Variants in NXPE2 observed in about 807,000 individuals in gnomAD.
NXPE2 encodes the protein NXPE family member 2.
NXPE2 carries 34 observed loss-of-function variants against 34.4 expected under a neutral mutation model. The ratio of observed to expected loss-of-function variants is 0.99; its 90% CI spans 0.75 to 1.31. The LOEUF (loss-of-function observed/expected upper bound fraction) is 1.31. Among genes scored for constraint, NXPE2 ranks in the 40% most tolerant of loss-of-function variants. The pLI is 0.00. For missense variants in NXPE2, 649 were observed against 672.5 expected (o/e 0.97, Z 0.39); for synonymous variants, 235 against 231.3 (o/e 1.02, Z -0.15).
chr11:114,648,603 C>T, the NXPE2 span, among the ~76,000 whole-genome samples: 2 of 152,174 alleles, frequency 1.3e-5, no homozygotes, highest in Admixed American at 1.3e-4. Flanking sequence ...CAAGTTGATA[C>T]ATAAAATTAA....
intron 2 of NXPE2, 135 bp from the exon 3 acceptor site, chr11:114,697,910 G>A: frequency 1.1e-6 from 1 of 878,404 alleles, no homozygotes; most frequent in Admixed American, 3.4e-5. Context: ...TTCCATAACT[G>A]AAAACCAGTT....
the NXPE2 span, among the ~76,000 whole-genome samples, chr11:114,639,545 A>G: frequency 3.3e-5 from 5 of 151,194 alleles, no homozygotes; most frequent in South Asian, 6.2e-4. Context: ...TGCAGAAATT[A>G]GCTGTCTTCT....
At chr11:114,523,854 T>C in the NXPE2 span, among the ~76,000 whole-genome samples, 3 of 152,242 alleles carry the variant, frequency 2.0e-5, no homozygotes, top group South Asian at 6.2e-4. Flanking sequence ...ATTTGTTATA[T>C]CAGGACTTCT....
chr11:114,709,364 GGTAA>G (rs1328526778), downstream of NXPE2, among the ~76,000 whole-genome samples: 2 of 151,930 alleles, frequency 1.3e-5, no homozygotes, highest in African/African-American at 4.8e-5. Flanking sequence ...ACCAAATGTT[GGTAA>G]GTGTCAAGTC....
At chr11:114,478,375 G>C in the NXPE2 span, among the ~76,000 whole-genome samples, 1 of 152,046 alleles carries the variant, frequency 6.6e-6, no homozygotes, top group Non-Finnish European at 1.5e-5. Flanking sequence ...CTGGCAAGAA[G>C]GTTTGTTTAG....
the NXPE2 span, among the ~76,000 whole-genome samples, chr11:114,471,086 G>A: frequency 9.2e-5 from 14 of 152,256 alleles, no homozygotes; most frequent in South Asian, 2.1e-4. Flanking sequence ...AGCCTGGGTT[G>A]TATTTTCATT....
intron 2 of NXPE2, among the ~76,000 whole-genome samples, chr11:114,687,935 G>A (rs543549327): frequency 6.6e-6 from 1 of 152,088 alleles, no homozygotes; most frequent in South Asian, 2.1e-4. Context: ...TTGTACGTAA[G>A]TTTTGTATCC....
chr11:114,733,911 CAT>C, the NXPE2 span, among the ~76,000 whole-genome samples: 1 of 152,142 alleles, frequency 6.6e-6, no homozygotes, highest in Non-Finnish European at 1.5e-5. Context: ...TATTTTCTTT[CAT>C]GGACTCCTTC....
chr11:114,479,950 A>G, the NXPE2 span, among the ~76,000 whole-genome samples: 2 of 152,160 alleles, frequency 1.3e-5, no homozygotes, highest in Non-Finnish European at 2.9e-5. Context: ...GATGTGTCAC[A>G]TGGAGAGAGA....
chr11:114,622,099 C>T, the NXPE2 span, among the ~76,000 whole-genome samples: 2 of 151,776 alleles, frequency 1.3e-5, no homozygotes, highest in East Asian at 1.9e-4. Context: ...AGTACTGCCT[C>T]ATCAGTAACC....
the NXPE2 span, among the ~76,000 whole-genome samples, chr11:114,785,267 A>G: frequency 6.6e-6 from 1 of 151,868 alleles, no homozygotes; most frequent in Non-Finnish European, 1.5e-5. Context: ...TTCCAGTCCA[A>G]CCCCCTCATT....
the NXPE2 span, among the ~76,000 whole-genome samples, chr11:114,567,582 A>G: frequency 6.6e-6 from 1 of 151,972 alleles, no homozygotes; most frequent in African/African-American, 2.4e-5. Flanking sequence ...CTCATTTATC[A>G]GAGTTTAGTA....
the NXPE2 span, chr11:114,553,839 A>G: frequency 9.4e-6 from 9 of 958,492 alleles, no homozygotes; most frequent in Non-Finnish European, 1.1e-5. Context: ...CTGCTCATTC[A>G]GTGACATCAT....
intron 2 of NXPE2, among the ~76,000 whole-genome samples, chr11:114,694,934 C>T (rs1478980909): frequency 6.8e-6 from 1 of 147,804 alleles, no homozygotes. Context: ...TCTACTATAA[C>T]TAAGTTTTGT....
At chr11:114,638,691 C>A in the NXPE2 span, among the ~76,000 whole-genome samples, 1 of 152,024 alleles carries the variant, frequency 6.6e-6, no homozygotes, top group South Asian at 2.1e-4. Context: ...CAGACAGGAC[C>A]GTCAGCTGCA....
At chr11:114,676,245 T>C (rs1008431392), upstream of NXPE2, among the ~76,000 whole-genome samples, 2 of 151,742 alleles carry the variant, frequency 1.3e-5, no homozygotes, top group African/African-American at 4.8e-5. Flanking sequence ...AAACAAAAAA[T>C]AGACAAAATG....
chr11:114,597,883 C>A, the NXPE2 span, among the ~76,000 whole-genome samples: 1 of 152,188 alleles, frequency 6.6e-6, no homozygotes, highest in African/African-American at 2.4e-5. Context: ...AAAATACAAT[C>A]ATTGTTCTCA....
chr11:114,689,327 A>T (rs1052261731), intron 2 of NXPE2, among the ~76,000 whole-genome samples: 2 of 151,854 alleles, frequency 1.3e-5, no homozygotes, highest in Non-Finnish European at 2.9e-5. Flanking sequence ...TTTCTGCCTT[A>T]GTTTTGTTAT....
chr11:114,616,509 A>G, the NXPE2 span, among the ~76,000 whole-genome samples: 1 of 151,692 alleles, frequency 6.6e-6, no homozygotes, highest in Non-Finnish European at 1.5e-5. Context: ...ACCGGTGGAT[A>G]ATATGTATTG....
Sources: allele counts gnomAD v4.1 joint callset (sites outside exome capture counted in the v4.1 genomes callset), GRCh38; gene constraint gnomAD v4.1.1; transcripts MANE v1.5; gene names NCBI Gene and HGNC (gene_info 2026-07-23, HGNC 2026-07-21).